Variants in SPIN1 observed in about 807,000 individuals in gnomAD.
SPIN1 encodes the protein spindlin-1.
SPIN1 carries 3 observed loss-of-function variants against 26.0 expected under a neutral mutation model. The ratio of observed to expected loss-of-function variants is 0.12; its 90% CI spans 0.05 to 0.30. The LOEUF (loss-of-function observed/expected upper bound fraction) is 0.30. Among genes scored for constraint, SPIN1 ranks in the 10% least tolerant of loss-of-function variants. The probability of loss-of-function intolerance (pLI) is 1.00; values close to 1 mark genes in which losing one functional copy is unlikely to be tolerated. For missense variants in SPIN1, 126 were observed against 333.4 expected, an observed-to-expected ratio of 0.38 and a Z score of 4.84; for synonymous variants, 101 against 116.5, an observed-to-expected ratio of 0.87 and a Z score of 0.86.
intron 2 of SPIN1, among the ~76,000 whole-genome samples, chr9:88,431,439 C>T (rs1003703174): frequency 5.3e-5 from 8 of 149,998 alleles, no homozygotes; most frequent in African/African-American, 1.2e-4. Flanking sequence ...TACAGGCATC[C>T]GCCACCACGC....
At chr9:88,412,449 G>A (rs1364346018) in intron 1 of SPIN1, among the ~76,000 whole-genome samples, 2 of 151,938 alleles carry the variant, frequency 1.3e-5, no homozygotes, top group African/African-American at 2.4e-5. Flanking sequence ...TGATCCTTGC[G>A]GGTGGCCTTC....
intron 1 of SPIN1, chr9:88,410,965 T>C: frequency 7.7e-7 from 1 of 1,295,460 alleles, no homozygotes; most frequent in Non-Finnish European, 1.1e-6. Flanking sequence ...CAGTATGATA[T>C]TTCTGAATGA....
At chr9:88,430,583 A>G (rs1564030459) in intron 2 of SPIN1, among the ~76,000 whole-genome samples, 1 of 152,226 alleles carries the variant, frequency 6.6e-6, no homozygotes, top group Non-Finnish European at 1.5e-5. Context: ...CATGACCCCC[A>G]GTACCTGTCT....
At chr9:88,410,385 A>T in intron 1 of SPIN1, 1 of 506,926 alleles carries the variant, frequency 2.0e-6, no homozygotes, top group Admixed American at 2.9e-5. Context: ...GCCCATATAC[A>T]TGAGTATTTG....
intron 1 of SPIN1, among the ~76,000 whole-genome samples, chr9:88,416,408 A>G (rs1325828825): frequency 1.3e-5 from 2 of 151,922 alleles, no homozygotes; most frequent in East Asian, 3.9e-4. Context: ...TCTCTGCAGC[A>G]TCAAATTCTT....
chr9:88,434,321 A>ATAGT (rs1423796899), intron 2 of SPIN1, among the ~76,000 whole-genome samples: 6 of 138,734 alleles, frequency 4.3e-5, no homozygotes, highest in African/African-American at 1.8e-4. Flanking sequence ...AATTTATAAA[A>ATAGT]TTATTTTACA....
At chr9:88,450,014 A>G (rs1828326868) in intron 3 of SPIN1, among the ~76,000 whole-genome samples, 1 of 152,216 alleles carries the variant, frequency 6.6e-6, no homozygotes, top group African/African-American at 2.4e-5. Flanking sequence ...TACATAATAC[A>G]AATATTTGTA....
chr9:88,455,594 A>G (rs1828454844), intron 3 of SPIN1, among the ~76,000 whole-genome samples: 1 of 152,244 alleles, frequency 6.6e-6, no homozygotes, highest in African/African-American at 2.4e-5. Flanking sequence ...TTTAATGTAT[A>G]TTTTAAAAAA....
At chr9:88,451,673 G>A (rs1367114425) in intron 3 of SPIN1, among the ~76,000 whole-genome samples, 2 of 152,164 alleles carry the variant, frequency 1.3e-5, no homozygotes. Context: ...TGGTTCTCCT[G>A]CCTCAGCTTC....
intron 4 of SPIN1, among the ~76,000 whole-genome samples, chr9:88,462,976 G>A (rs562195810): frequency 3.5e-4 from 54 of 152,178 alleles, no homozygotes; most frequent in African/African-American, 1.3e-3. Context: ...AGTTTGCCAC[G>A]TAATAATTTA....
At chr9:88,399,258 TC>T (rs1283563980) in intron 1 of SPIN1, among the ~76,000 whole-genome samples, 1 of 152,024 alleles carries the variant, frequency 6.6e-6, no homozygotes, top group Non-Finnish European at 1.5e-5. Flanking sequence ...GGTCTTGAAC[TC>T]CTGACCTCGT....
chr9:88,432,822 A>G (rs1461437737), intron 2 of SPIN1, among the ~76,000 whole-genome samples: 1 of 151,308 alleles, frequency 6.6e-6, no homozygotes, highest in Non-Finnish European at 1.5e-5. Context: ...TATTTACTTT[A>G]TATTTTCCCA....
At position 88,449,662 on chromosome 9, in the gene SPIN1, T is replaced by C. The variant is rs79110592; in HGVS notation, c.101+673T>C. ...TGTTTTCAATTATAATATTCACTTT[T>C]ACTTTATTATATCTAATAGATTTCA... is the stretch of plus-strand genomic sequence containing the variant. On this transcript the variant is annotated intron_variant, in intron 3 of 5. Coordinates refer to ENST00000375859, the MANE Select transcript of SPIN1 (RefSeq NM_006717.3). Among the ~76,000 whole-genome samples the C allele has an allele frequency of 1.4e-3, 210 of 152,316 alleles. 2 individuals carry two copies. The highest frequency in any genetic ancestry group is 5.0e-3 in the African/African-American group (206 of 41,574).
intron 2 of SPIN1, among the ~76,000 whole-genome samples, chr9:88,445,428 T>G (rs1336574662): frequency 1.3e-5 from 2 of 151,952 alleles, no homozygotes; most frequent in Non-Finnish European, 2.9e-5. Flanking sequence ...GAGTGGTTCT[T>G]GGCAGTCAGG....
chr9:88,467,233 A>G (rs1587816044), intron 4 of SPIN1, among the ~76,000 whole-genome samples: 1 of 152,174 alleles, frequency 6.6e-6, no homozygotes, highest in Admixed American at 6.5e-5. Context: ...CCGTTAATCT[A>G]TCATTTCAGA....
intron 1 of SPIN1, among the ~76,000 whole-genome samples, chr9:88,397,642 T>TC (rs1827095929): frequency 6.7e-6 from 1 of 150,236 alleles, no homozygotes; most frequent in Non-Finnish European, 1.5e-5. Context: ...TTTTTTTTTT[T>TC]CCCCAGTCTT....
chr9:88,446,272 T>A (rs972231723), intron 2 of SPIN1, among the ~76,000 whole-genome samples: 1 of 152,236 alleles, frequency 6.6e-6, no homozygotes, highest in Non-Finnish European at 1.5e-5. Flanking sequence ...GAAGCTAGTT[T>A]GTTTGGCTTT....
rs1826949597 is a variant in SPIN1 at position 88,392,591 on chromosome 9, T to C, written c.-159+4053T>C. Among the ~76,000 whole-genome samples, 3 of 152,042 alleles carry C rather than the reference T, an allele frequency of 2.0e-5. No individual in the cohort carries two copies. In the South Asian group the frequency reaches 6.2e-4, roughly 32 times the overall value. On this transcript the variant is annotated intron_variant, in intron 1 of 5. Coordinates refer to ENST00000375859, the MANE Select transcript of SPIN1 (RefSeq NM_006717.3). Reference sequence around the variant, plus strand: ...TACCTGTCTCCTCTCCTCTCCTCTCTTCTCCTTCCTTCCCTCCTTCCTTCC... The same window carrying C: ...TACCTGTCTCCTCTCCTCTCCTCTCCTCTCCTTCCTTCCCTCCTTCCTTCC...
chr9:88,407,430 C>T (rs1827334077), intron 1 of SPIN1, among the ~76,000 whole-genome samples: 1 of 151,836 alleles, frequency 6.6e-6, no homozygotes, highest in Non-Finnish European at 1.5e-5. Context: ...AGGTGTGAGC[C>T]ACCGGCCTCA....
Sources: allele counts gnomAD v4.1 joint callset (sites outside exome capture counted in the v4.1 genomes callset), GRCh38; gene constraint gnomAD v4.1.1; transcripts MANE v1.5; gene names NCBI Gene and HGNC (gene_info 2026-07-23, HGNC 2026-07-21).